Variants in CFAP46 observed in about 807,000 individuals in gnomAD.
The protein encoded by CFAP46 is cilia and flagella associated protein 46, also known as cilia- and flagella-associated protein 46.
A neutral mutation model predicts 325.7 loss-of-function variants in CFAP46; 245 were observed. That is an observed-to-expected ratio of 0.75 (90% CI 0.68 to 0.84). CFAP46 has a LOEUF of 0.84. CFAP46 is among the 40% of genes least tolerant of loss of function. The pLI, the probability that CFAP46 is intolerant of heterozygous loss-of-function variation, is 0.00. For synonymous variants in CFAP46, 1,523 were observed against 1,495.9 expected, an observed-to-expected ratio of 1.02 and a Z score of -0.42; for missense variants, 3,346 against 3,543.0, an observed-to-expected ratio of 0.94 and a Z score of 1.41.
chr10:132,859,159 C>G lies in CFAP46; in HGVS notation c.5287G>C (p.Gly1763Arg), dbSNP rs1208367766. ...CSLLLKEMDD[G>R]LLEIERKFID... ...AACTTTCTCTCAATTTCCAACAGGC[C>G]ATCATCCATCTCTTTCAGTAGCAAC... is the stretch of plus-strand genomic sequence containing the variant. Residue 1763 changes from glycine to arginine, a missense_variant, in exon 38 of 58, where the codon GGC becomes CGC. Physicochemically the swap from Gly to Arg is moderately radical, Grantham distance 125. Coordinates refer to ENST00000368586, the MANE Select transcript of CFAP46 (RefSeq NM_001200049.3). 1 of 1,550,866 alleles carries G rather than the reference C, an allele frequency of 6.4e-7. No homozygotes were observed. The highest frequency in any genetic ancestry group is 8.7e-7 in the Non-Finnish European group (1 of 1,147,050).
intron 9 of CFAP46, among the ~76,000 whole-genome samples, chr10:132,928,622 C>T (rs1280549703): frequency 2.0e-5 from 3 of 152,224 alleles, no homozygotes; most frequent in African/African-American, 7.2e-5. Flanking sequence ...TACGTTCACT[C>T]TTAGGTAACC....
At chr10:132,844,097 C>T (rs1848395374) in intron 44 of CFAP46, among the ~76,000 whole-genome samples, 1 of 128,354 alleles carries the variant, frequency 7.8e-6, no homozygotes, top group Admixed American at 8.0e-5. Context: ...GCTCTGGTCT[C>T]GGTGGGTGTT....
chr10:132,897,102 A>G (rs1849330132), intron 24 of CFAP46, among the ~76,000 whole-genome samples: 1 of 152,252 alleles, frequency 6.6e-6, no homozygotes. Context: ...CATATGCAAA[A>G]CTTAACTCAA....
rs543776154 is a variant in CFAP46, at chr10:132,856,071, A to G, written c.5574+1519T>C. Among the ~76,000 whole-genome samples, 3 of 152,246 alleles carry G rather than the reference A, an allele frequency of 2.0e-5. No individual in the cohort carries two copies. The South Asian group carries it at 6.2e-4, about 32-fold the overall frequency. On this transcript the variant is annotated intron_variant, in intron 39 of 57. Coordinates refer to ENST00000368586, the MANE Select transcript of CFAP46 (RefSeq NM_001200049.3). Reference sequence around the variant, plus strand: ...GTGTTTGGAGAAACATCTTTATCTCACTTTCATTAAGAATCATATTTTCTG... The same window carrying G: ...GTGTTTGGAGAAACATCTTTATCTCGCTTTCATTAAGAATCATATTTTCTG...
intron 21 of CFAP46, 94 bp downstream of exon 21, chr10:132,909,043 C>T: frequency 1.2e-6 from 1 of 869,156 alleles, no homozygotes; most frequent in Non-Finnish European, 1.8e-6. Context: ...GGTGAGCATG[C>T]ACGATGGGGC....
At chr10:132,926,381 C>T (rs1032714923) in intron 10 of CFAP46, among the ~76,000 whole-genome samples, 187 bp downstream of exon 10, 7 of 151,968 alleles carry the variant, frequency 4.6e-5, no homozygotes, top group African/African-American at 1.5e-4. Context: ...GGCCCCTGTG[C>T]GCAGGACAGG....
chr10:132,912,612 T>TCCTCTC, intron 19 of CFAP46, 43 bp downstream of exon 19: 1 of 424,638 alleles, frequency 2.4e-6, no homozygotes, highest in Non-Finnish European at 3.3e-6. Flanking sequence ...CTCCTCTCTC[T>TCCTCTC]CTCTCTCTCT....
rs1848256411 is a variant in CFAP46 at position 132,836,805 on chromosome 10, G to C, written c.6536+12C>G. On this transcript the variant is annotated intron_variant, in intron 45 of 57. Coordinates refer to ENST00000368586, the MANE Select transcript of CFAP46 (RefSeq NM_001200049.3). ...GGCTGGGGGCGGCCTCAACAAGAAGGAGCGGCTTTACCTGTCCCCTGAGAG... is the reference window on the plus strand; with the variant it reads ...GGCTGGGGGCGGCCTCAACAAGAAGCAGCGGCTTTACCTGTCCCCTGAGAG... 6.2e-7 allele frequency: 1 copy of C among 1,610,710 alleles called. No homozygotes were observed. The highest frequency in any genetic ancestry group is 1.7e-5 in the Admixed American group (1 of 59,986).
At chr10:132,879,673 C>A (rs752505080) in intron 28 of CFAP46, 42 bp from the exon 29 acceptor site, 1 of 1,461,766 alleles carries the variant, frequency 6.8e-7, no homozygotes, top group Non-Finnish European at 9.1e-7. Flanking sequence ...GGCCCGGCTA[C>A]GGGTCTGTGG....
Position 132,851,183 on chromosome 10 carries a change from C to T in CFAP46, c.5697G>A (p.Gln1899=). ...CCGCCAGCAGCTTCTCCAGGGACCCCTGCTCACTCTGCTGCCCGTGGGCCT... is the reference window on the plus strand; with the variant it reads ...CCGCCAGCAGCTTCTCCAGGGACCCTTGCTCACTCTGCTGCCCGTGGGCCT... ...WEEAHGQQSE[Q]GSLEKLLADY... Residue 1899 remains glutamine, a synonymous_variant, in exon 40 of 58, where the codon CAG becomes CAA. Transcript: ENST00000368586. 6.2e-7 allele frequency: 1 copy of T among 1,614,146 alleles called. No individual in the cohort carries two copies. The highest frequency in any genetic ancestry group is 8.5e-7 in the Non-Finnish European group (1 of 1,180,054).
chr10:132,871,063 A>G (rs1317593626), intron 32 of CFAP46, among the ~76,000 whole-genome samples: 1 of 152,218 alleles, frequency 6.6e-6, no homozygotes, highest in Non-Finnish European at 1.5e-5. Flanking sequence ...GCCTTTAAGA[A>G]TGATGCTCAA....
At chr10:132,848,557 G>C (rs1848480367) in intron 41 of CFAP46, among the ~76,000 whole-genome samples, 2 of 152,110 alleles carry the variant, frequency 1.3e-5, no homozygotes, top group Admixed American at 1.3e-4. Flanking sequence ...GGTTGTGGGA[G>C]GGGGTGGGGG....
chr10:132,910,627 C>A (rs888283873), intron 19 of CFAP46, among the ~76,000 whole-genome samples: 4 of 152,162 alleles, frequency 2.6e-5, no homozygotes, highest in Admixed American at 6.5e-5. Context: ...ATCGGTGAGT[C>A]CTTGTTCAGA....
In CFAP46 at chr10:132,924,900, G is replaced by C. The variant is rs1003895749; in HGVS notation, c.1066-14C>G. 2 of 1,371,348 alleles carry C rather than the reference G, an allele frequency of 1.5e-6. No homozygotes were observed. The highest frequency in any genetic ancestry group is 3.0e-5 in the East Asian group (1 of 33,038). 84.9% of individuals were successfully genotyped at this position (1,371,348 alleles called of 1,614,324 possible). On this transcript the variant is annotated splice_polypyrimidine_tract_variant and intron_variant, in intron 10 of 57. Transcript: ENST00000368586. ...ATCCAGCTGGGCCTGCGGAGAAGAC[G>C]TGGGGGATTCTAGGGAGGTTGCTGG... is the stretch of plus-strand genomic sequence containing the variant.
intron 46 of CFAP46, among the ~76,000 whole-genome samples, chr10:132,835,818 C>T (rs1432836387): frequency 6.6e-6 from 1 of 151,782 alleles, no homozygotes; most frequent in East Asian, 1.9e-4. Context: ...ACCTGAGGCA[C>T]AGTGGGTATC....
At position 132,850,272 on chromosome 10, in the gene CFAP46, G is replaced by A; in HGVS notation, c.5924C>T (p.Pro1975Leu). 6.4e-7 allele frequency: 1 copy of A among 1,550,838 alleles called. No homozygotes were observed. The highest frequency in any genetic ancestry group is 8.7e-7 in the Non-Finnish European group (1 of 1,146,976). ...LLAMQADPVHPTCYWEAGPSV... is the reference protein window; with the variant it reads ...LLAMQADPVHLTCYWEAGPSV... ...GGGGCCCGCCTCCCAGTAGCAGGTAGGGTGCACAGGGTCAGCTTGCATGGC... is the reference window on the plus strand; with the variant it reads ...GGGGCCCGCCTCCCAGTAGCAGGTAAGGTGCACAGGGTCAGCTTGCATGGC... Residue 1975 changes from proline to leucine, a missense_variant, in exon 41 of 58, where the codon CCT (proline) becomes CTT (leucine). Physicochemically the swap from Pro to Leu is moderately conservative, Grantham distance 98. Transcript: ENST00000368586.
At chr10:132,837,080 C>G (rs1848263839) in intron 44 of CFAP46, 166 bp from the exon 45 acceptor site, 1 of 575,652 alleles carries the variant, frequency 1.7e-6, no homozygotes, top group East Asian at 3.0e-5. Flanking sequence ...CTGGAAGTGA[C>G]TCGGGGCTGC....
At chr10:132,831,220 CTGTGTGTG>C (rs56965336) in intron 50 of CFAP46, among the ~76,000 whole-genome samples, 20 of 148,200 alleles carry the variant, frequency 1.3e-4, no homozygotes, top group Non-Finnish European at 2.5e-4. Context: ...GTCAAATGTT[CTGTGTGTG>C]TGTGTGTGTG....
rs1014790116 is a variant in CFAP46, at chr10:132,828,754, C to A, written c.7117+4604G>T. Among the ~76,000 whole-genome samples the A allele has an allele frequency of 2.0e-5, 3 of 152,130 alleles. No homozygotes were observed. Among genetic ancestry groups the A allele is most frequent in the Non-Finnish European group, 4.4e-5 (3 of 68,034 alleles). Reference sequence around the variant, plus strand: ...TCGGATCCATTTCGAGCTGATTTTCCTGCGTGGCGTGCGGCCTCGTTTTTG... The same window carrying A: ...TCGGATCCATTTCGAGCTGATTTTCATGCGTGGCGTGCGGCCTCGTTTTTG... On this transcript the variant is annotated intron_variant, in intron 50 of 57. Transcript: ENST00000368586. The surrounding 1 kb of genome is among the most constrained non-coding windows in gnomAD (Gnocchi z 4.9).
Sources: allele counts gnomAD v4.1 joint callset (sites outside exome capture counted in the v4.1 genomes callset), GRCh38; gene constraint gnomAD v4.1.1; non-coding constraint Gnocchi (gnomAD v3.1); transcripts MANE v1.5; gene names NCBI Gene and HGNC (gene_info 2026-07-23, HGNC 2026-07-21).